Variants in SAMD12 observed in about 807,000 individuals in gnomAD.
SAMD12 encodes sterile alpha motif domain-containing protein 12.
Under a neutral mutation model 15.0 loss-of-function variants are expected in SAMD12, and 9 were observed. The observed-to-expected ratio is 0.60, with a 90% CI of 0.36 to 1.05. SAMD12 has a LOEUF of 1.05. Among genes scored for constraint, SAMD12 ranks in the 50% least tolerant of loss-of-function variants. The probability of loss-of-function intolerance (pLI) is 0.01; values close to 1 mark genes in which losing one functional copy is unlikely to be tolerated. For synonymous variants in SAMD12, 86 were observed against 90.1 expected (o/e 0.96, Z 0.25); for missense variants, 230 against 234.2 (o/e 0.98, Z 0.12).
chr8:118,404,270 T>C (rs943039621), intron 3 of SAMD12, among the ~76,000 whole-genome samples: 5 of 152,188 alleles, frequency 3.3e-5, no homozygotes, highest in Non-Finnish European at 1.5e-5. Flanking sequence ...ATGCATGAGC[T>C]ACCATGCCTA....
chr8:118,239,191 C>T (rs1812508757), intron 4 of SAMD12, among the ~76,000 whole-genome samples: 1 of 151,874 alleles, frequency 6.6e-6, no homozygotes, highest in African/African-American at 2.4e-5. Context: ...TAATTATCAA[C>T]CATGGATCAC....
At chr8:118,379,846 C>G in intron 3 of SAMD12, 146 bp from the exon 4 acceptor site, 1 of 1,027,932 alleles carries the variant, frequency 9.7e-7, no homozygotes, top group Non-Finnish European at 1.4e-6. Context: ...ATTATTATTG[C>G]TGACACAAAT....
At chr8:118,318,934 G>A (rs1297688848) in intron 4 of SAMD12, among the ~76,000 whole-genome samples, 3 of 152,074 alleles carry the variant, frequency 2.0e-5, no homozygotes, top group Non-Finnish European at 4.4e-5. Flanking sequence ...GCTGGGGACA[G>A]TTTGTCCCCA....
intron 4 of SAMD12, among the ~76,000 whole-genome samples, chr8:118,222,025 G>C (rs1430902682): frequency 2.6e-5 from 4 of 152,156 alleles, no homozygotes; most frequent in Admixed American, 1.3e-4. Flanking sequence ...GGTAATGAAG[G>C]CCCGAATCAT....
chr8:118,177,461 C>G, the SAMD12 span, among the ~76,000 whole-genome samples: 1 of 151,964 alleles, frequency 6.6e-6, no homozygotes, highest in Non-Finnish European at 1.5e-5. Context: ...TCAAGCTGGT[C>G]TCAAACTCCT....
chr8:118,197,503 T>C, exon 5 of SAMD12: 3 of 622,268 alleles, frequency 4.8e-6, no homozygotes, highest in South Asian at 1.9e-5. Context: ...TGGCATTATA[T>C]TATGCACCTC....
intron 4 of SAMD12, among the ~76,000 whole-genome samples, chr8:118,371,990 C>A (rs1037118083): frequency 6.6e-6 from 1 of 151,956 alleles, no homozygotes; most frequent in African/African-American, 2.4e-5. Context: ...TCATGCTATC[C>A]AATGATAAAG....
At chr8:118,550,112 T>C (rs1316402888) in intron 2 of SAMD12, among the ~76,000 whole-genome samples, 3 of 152,128 alleles carry the variant, frequency 2.0e-5, no homozygotes, top group Non-Finnish European at 4.4e-5. Flanking sequence ...CTGCAGGATA[T>C]TATCCAGGAG....
At chr8:118,164,424 T>C in the SAMD12 span, among the ~76,000 whole-genome samples, 1 of 152,234 alleles carries the variant, frequency 6.6e-6, no homozygotes, top group Non-Finnish European at 1.5e-5. Context: ...CCAACACTAG[T>C]GCTCTGTCTC....
At chr8:118,424,633 G>T (rs1822163279) in intron 3 of SAMD12, among the ~76,000 whole-genome samples, 1 of 152,134 alleles carries the variant, frequency 6.6e-6, no homozygotes, top group African/African-American at 2.4e-5. Flanking sequence ...CAGGGAACAT[G>T]GGGGATCAAA....
At position 118,588,368 on chromosome 8, in the gene SAMD12, C is replaced by G. The variant is rs528744966; in HGVS notation, c.14-7475G>C. On this transcript the variant is annotated intron_variant, in intron 1 of 3. Transcript: ENST00000314727. ...AGCAGATATCTTCTAGGACAGGGGT[C>G]AGCAAACTATGGCCCATTGACCAAA... 7.2e-5 allele frequency among the ~76,000 whole-genome samples: 11 copies of G among 152,258 alleles called. No individual in the cohort carries two copies. The East Asian group carries it at 1.9e-3, about 27-fold the overall frequency.
chr8:118,574,807 T>C (rs1827107608), intron 2 of SAMD12, among the ~76,000 whole-genome samples: 4 of 152,172 alleles, frequency 2.6e-5, no homozygotes, highest in Admixed American at 2.6e-4. Context: ...TTCATATGCA[T>C]TGTGTCCTTT....
At chr8:118,173,196 A>G in the SAMD12 span, among the ~76,000 whole-genome samples, 4 of 152,150 alleles carry the variant, frequency 2.6e-5, no homozygotes. Flanking sequence ...CATGCCTGAA[A>G]TTTCTTTTTA....
the SAMD12 span, among the ~76,000 whole-genome samples, chr8:118,148,908 G>A: frequency 8.5e-5 from 13 of 152,162 alleles, no homozygotes; most frequent in Admixed American, 2.6e-4. Context: ...ACGGTTATAC[G>A]GCATTTTGCT....
At chr8:118,318,795 G>T (rs567506203) in intron 4 of SAMD12, among the ~76,000 whole-genome samples, 9 of 152,128 alleles carry the variant, frequency 5.9e-5, no homozygotes, top group Non-Finnish European at 5.9e-5. Flanking sequence ...TGGGGAGGGG[G>T]CTTCAAGGGA....
chr8:118,214,953 C>G (rs1341840369), intron 4 of SAMD12, among the ~76,000 whole-genome samples: 1 of 152,184 alleles, frequency 6.6e-6, no homozygotes. Context: ...GAAGGTTAAA[C>G]AAGGGGGCTA....
intron 4 of SAMD12, among the ~76,000 whole-genome samples, chr8:118,344,840 T>C (rs989968399): frequency 6.6e-6 from 1 of 152,212 alleles, no homozygotes; most frequent in Non-Finnish European, 1.5e-5. Context: ...AATGAATCAA[T>C]ATACAATGGT....
chr8:118,328,938 A>G (rs1443243362), intron 4 of SAMD12, among the ~76,000 whole-genome samples: 1 of 152,192 alleles, frequency 6.6e-6, no homozygotes, highest in African/African-American at 2.4e-5. Flanking sequence ...AGGAGGAGGC[A>G]TAAGAAAAAG....
chr8:118,473,987 C>G (rs1016920004), intron 2 of SAMD12, among the ~76,000 whole-genome samples: 1 of 152,212 alleles, frequency 6.6e-6, no homozygotes, highest in Non-Finnish European at 1.5e-5. Context: ...GAGATGCAGT[C>G]TCATTCTATA....
Sources: gnomAD v4.1 joint callset for allele counts (sites outside exome capture counted in the v4.1 genomes callset) on GRCh38, gnomAD v4.1.1 for gene constraint, MANE v1.5 for transcripts, NCBI Gene and HGNC (gene_info 2026-07-23, HGNC 2026-07-21) for gene names.